GLIS1: variants seen among roughly 807,000 people sequenced by gnomAD.
The protein encoded by GLIS1 is zinc finger protein GLIS1.
A neutral mutation model predicts 63.8 loss-of-function variants in GLIS1; 24 were observed. The ratio of observed to expected loss-of-function variants is 0.38; its 90% CI spans 0.27 to 0.53. The LOEUF is 0.53. Among genes scored for constraint, GLIS1 ranks in the 20% least tolerant of loss-of-function variants. The pLI is 0.85. For missense variants in GLIS1, 1,036 were observed against 1,074.1 expected, an observed-to-expected ratio of 0.96 and a Z score of 0.50; for synonymous variants, 450 against 482.5, an observed-to-expected ratio of 0.93 and a Z score of 0.88.
intron 2 of GLIS1, among the ~76,000 whole-genome samples, chr1:53,657,275 C>T (rs1427512423): frequency 1.3e-5 from 2 of 152,164 alleles, no homozygotes; most frequent in Non-Finnish European, 2.9e-5. Context: ...CAAATCCATG[C>T]CACAGAGCTT....
At chr1:53,599,415 C>G (rs1391278092) in intron 3 of GLIS1, among the ~76,000 whole-genome samples, 1 of 152,204 alleles carries the variant, frequency 6.6e-6, no homozygotes, top group African/African-American at 2.4e-5. Flanking sequence ...CCCTGCGCCA[C>G]CTCGGGACTC....
At chr1:53,723,749 G>T (rs1051659296) in intron 2 of GLIS1, among the ~76,000 whole-genome samples, 1 of 152,088 alleles carries the variant, frequency 6.6e-6, no homozygotes, top group Non-Finnish European at 1.5e-5. Flanking sequence ...TAGTACTCAC[G>T]TGAGTGGGAA....
chr1:53,718,212 T>C (rs1182598103), intron 2 of GLIS1, among the ~76,000 whole-genome samples: 3 of 152,194 alleles, frequency 2.0e-5, no homozygotes, highest in African/African-American at 7.2e-5. Flanking sequence ...TCTGCCTAAA[T>C]CAGTCAGTTT....
intron 9 of GLIS1, 140 bp from the exon 10 acceptor site, chr1:53,509,427 G>A: frequency 2.1e-6 from 2 of 951,596 alleles, no homozygotes; most frequent in Non-Finnish European, 3.1e-6. Context: ...GAGGGCCCAG[G>A]GCAGAGGAGG....
intron 2 of GLIS1, among the ~76,000 whole-genome samples, chr1:53,707,056 C>A (rs536341339): frequency 4.6e-5 from 7 of 152,126 alleles, no homozygotes; most frequent in Non-Finnish European, 7.3e-5. Context: ...ACATTCCCCC[C>A]GACCCATTTT....
intron 1 of GLIS1, among the ~76,000 whole-genome samples, chr1:53,738,665 C>T (rs1646937226): frequency 6.6e-6 from 1 of 152,192 alleles, no homozygotes; most frequent in African/African-American, 2.4e-5. Context: ...AAACAGGAGT[C>T]CCAAGCTGGG....
intron 2 of GLIS1, among the ~76,000 whole-genome samples, chr1:53,637,598 C>T (rs1343238480): frequency 6.6e-6 from 1 of 152,134 alleles, no homozygotes; most frequent in Non-Finnish European, 1.5e-5. Context: ...AAGAAAAGTA[C>T]ACATACGGCT....
At chr1:53,726,172 G>A (rs1219068206) in intron 2 of GLIS1, among the ~76,000 whole-genome samples, 1 of 152,170 alleles carries the variant, frequency 6.6e-6, no homozygotes, top group Non-Finnish European at 1.5e-5. Context: ...TGACTGTGAT[G>A]AGTGGGTAAC....
In GLIS1 at chr1:53,528,061, G is replaced by A. The variant is rs541236528; in HGVS notation, c.1482+1730C>T. ...TGCAGGGAGGCCTGGCACTGTCAGC[G>A]CTGGCTTGTGGCCTCTGGGAGACAT... On this transcript the variant is annotated intron_variant, in intron 5 of 10. Transcript: ENST00000628545. 2.6e-4 allele frequency among the ~76,000 whole-genome samples: 40 copies of A among 152,298 alleles called. No homozygotes were observed. The South Asian group carries it at 7.3e-3, about 28-fold the overall frequency.
intron 2 of GLIS1, among the ~76,000 whole-genome samples, chr1:53,673,310 T>C (rs1646175159): frequency 6.6e-6 from 1 of 152,240 alleles, no homozygotes; most frequent in Non-Finnish European, 1.5e-5. Flanking sequence ...CTGGGGCGAC[T>C]TGGCCAGGGA....
intron 7 of GLIS1, among the ~76,000 whole-genome samples, chr1:53,517,154 C>T (rs1644360897): frequency 6.6e-6 from 1 of 152,060 alleles, no homozygotes; most frequent in East Asian, 1.9e-4. Context: ...TTCCAAGCAG[C>T]AGAGAGAGAA....
In GLIS1 at chr1:53,514,714, G is replaced by A. The variant is rs572640405; in HGVS notation, c.1794C>T (p.Asp598=). Residue 598 remains aspartate, a synonymous_variant, in exon 8 of 11, where the codon GAC becomes GAT. Transcript: ENST00000628545. ...LASGLLPPAH[D]VPSRHHPLDA... is the part of the protein sequence containing the mutation. Reference sequence around the variant, plus strand: ...CCAGCGGGTGGTGCCTGGAAGGTACGTCGTGCGCTGGGGGCAGGAGGCCCG... The same window carrying A: ...CCAGCGGGTGGTGCCTGGAAGGTACATCGTGCGCTGGGGGCAGGAGGCCCG... 13 of 1,613,564 alleles carry A rather than the reference G, an allele frequency of 8.1e-6. No homozygotes were observed. The highest frequency in any genetic ancestry group is 6.7e-5 in the East Asian group (3 of 44,860).
At chr1:53,580,988 C>A (rs555170081) in intron 4 of GLIS1, among the ~76,000 whole-genome samples, 78 of 151,940 alleles carry the variant, frequency 5.1e-4, no homozygotes, top group Admixed American at 4.9e-3. Context: ...AGGACTTGAT[C>A]GTAAATTCCT....
At chr1:53,553,613 C>T (rs999498995) in intron 4 of GLIS1, among the ~76,000 whole-genome samples, 2 of 152,190 alleles carry the variant, frequency 1.3e-5, no homozygotes, top group Non-Finnish European at 2.9e-5. Context: ...TAGGAAAAAA[C>T]GCCTGACCTT....
intron 2 of GLIS1, among the ~76,000 whole-genome samples, chr1:53,694,400 C>A (rs573069282): frequency 6.6e-6 from 1 of 152,324 alleles, no homozygotes; most frequent in South Asian, 2.1e-4. Context: ...TCCCTTTCTG[C>A]GAGCCGGCTG....
intron 2 of GLIS1, among the ~76,000 whole-genome samples, chr1:53,722,724 C>T (rs1646767968): frequency 6.6e-6 from 1 of 151,402 alleles, no homozygotes; most frequent in Non-Finnish European, 1.5e-5. Context: ...GTCCCAGCTA[C>T]TGGAAGGCTG....
At chr1:53,608,066 A>G (rs2100566395) in intron 2 of GLIS1, among the ~76,000 whole-genome samples, 1 of 151,838 alleles carries the variant, frequency 6.6e-6, no homozygotes, top group African/African-American at 2.4e-5. Flanking sequence ...GACTCAAACA[A>G]TCCTCCCACT....
intron 2 of GLIS1, among the ~76,000 whole-genome samples, chr1:53,631,728 C>T (rs982994249): frequency 1.3e-5 from 2 of 151,778 alleles, no homozygotes; most frequent in Non-Finnish European, 2.9e-5. Context: ...TCAGGGAAGG[C>T]CTCACTGAGA....
chr1:53,732,608 T>C (rs1646874436), intron 2 of GLIS1, among the ~76,000 whole-genome samples: 1 of 152,220 alleles, frequency 6.6e-6, no homozygotes, highest in South Asian at 2.1e-4. Flanking sequence ...TCTTTTTTCC[T>C]GGCCCTGGTA....
Sources: gnomAD v4.1 joint callset for allele counts (sites outside exome capture counted in the v4.1 genomes callset) on GRCh38, gnomAD v4.1.1 for gene constraint, MANE v1.5 for transcripts, NCBI Gene and HGNC (gene_info 2026-07-23, HGNC 2026-07-21) for gene names.